The following TSPAN5 variants were observed in gnomAD, a reference collection of about 807,000 sequenced individuals.
TSPAN5 encodes the protein tetraspanin 5, also known as tetraspanin-5.
TSPAN5 carries 10 observed loss-of-function variants against 37.1 expected under a neutral mutation model. The ratio of observed to expected loss-of-function variants is 0.27; its 90% CI spans 0.17 to 0.46. The LOEUF is 0.46. Ranked by LOEUF, TSPAN5 falls within the 20% of genes least tolerant of loss-of-function variation. The pLI is 1.00. For missense variants in TSPAN5, 195 were observed against 326.6 expected, an observed-to-expected ratio of 0.60 and a Z score of 3.11; for synonymous variants, 110 against 118.9, an observed-to-expected ratio of 0.93 and a Z score of 0.48.
chr4:98,591,775 GC>G (rs1755639175), intron 1 of TSPAN5, among the ~76,000 whole-genome samples: 1 of 149,712 alleles, frequency 6.7e-6, no homozygotes, highest in Admixed American at 6.7e-5. Context: ...ATTTTGACAT[GC>G]ATTACGTTCC....
chr4:98,508,993 G>A (rs1753542825), intron 1 of TSPAN5, among the ~76,000 whole-genome samples: 1 of 152,056 alleles, frequency 6.6e-6, no homozygotes, highest in Non-Finnish European at 1.5e-5. Flanking sequence ...TGTAACTGGG[G>A]CGACACAGAC....
At chr4:98,603,015 TAC>T (rs141855546) in intron 1 of TSPAN5, among the ~76,000 whole-genome samples, 22 of 152,360 alleles carry the variant, frequency 1.4e-4, no homozygotes, top group African/African-American at 5.0e-4. Flanking sequence ...TTACTGTATT[TAC>T]AGTCTAGACC....
chr4:98,518,143 C>A (rs57112156), intron 1 of TSPAN5, among the ~76,000 whole-genome samples: 1 of 151,610 alleles, frequency 6.6e-6, no homozygotes, highest in African/African-American at 2.4e-5. Flanking sequence ...GATCCTCCCC[C>A]CTTTAGCCTC....
intron 1 of TSPAN5, among the ~76,000 whole-genome samples, chr4:98,559,038 CTT>C (rs928762150): frequency 5.3e-5 from 8 of 152,314 alleles, no homozygotes; most frequent in African/African-American, 1.9e-4. Context: ...ACCCATGCCT[CTT>C]TGCCTAAAAC....
chr4:98,534,231 G>T (rs1754179690), intron 1 of TSPAN5, among the ~76,000 whole-genome samples: 1 of 152,050 alleles, frequency 6.6e-6, no homozygotes, highest in African/African-American at 2.4e-5. Flanking sequence ...GTTCTCATTG[G>T]TTTCAAAGAA....
At chr4:98,612,170 C>T (rs931962790) in intron 1 of TSPAN5, among the ~76,000 whole-genome samples, 1 of 152,156 alleles carries the variant, frequency 6.6e-6, no homozygotes, top group Non-Finnish European at 1.5e-5. Flanking sequence ...TTTCCCATCT[C>T]TCTTCCATCT....
intron 1 of TSPAN5, among the ~76,000 whole-genome samples, chr4:98,537,183 G>A (rs1430811905): frequency 6.6e-6 from 1 of 152,214 alleles, no homozygotes; most frequent in Non-Finnish European, 1.5e-5. Context: ...TGGAACAAGC[G>A]CAGTATCTAT....
At chr4:98,494,813 T>C (rs1350979321) in intron 2 of TSPAN5, among the ~76,000 whole-genome samples, 1 of 152,070 alleles carries the variant, frequency 6.6e-6, no homozygotes, top group African/African-American at 2.4e-5. Context: ...ATGGCCACAG[T>C]TGATGATCAT....
chr4:98,476,106 T>C (rs1457050641), intron 7 of TSPAN5, 83 bp downstream of exon 7: 6 of 1,055,418 alleles, frequency 5.7e-6, no homozygotes, highest in Non-Finnish European at 8.6e-6. Flanking sequence ...ACAATCAAGG[T>C]TTTTAAGCAA....
At chr4:98,528,271 G>A (rs1264842826) in intron 1 of TSPAN5, among the ~76,000 whole-genome samples, 1 of 152,122 alleles carries the variant, frequency 6.6e-6, no homozygotes, top group Non-Finnish European at 1.5e-5. Flanking sequence ...GTTGACATAA[G>A]TTATTATTTA....
chr4:98,548,519 A>C (rs1449513990), intron 1 of TSPAN5, among the ~76,000 whole-genome samples: 1 of 151,952 alleles, frequency 6.6e-6, no homozygotes, highest in Admixed American at 6.6e-5. Context: ...TTTTTTTTTT[A>C]ATTTTTAAAA....
At chr4:98,575,588 G>A (rs1158725370) in intron 1 of TSPAN5, among the ~76,000 whole-genome samples, 1 of 151,788 alleles carries the variant, frequency 6.6e-6, no homozygotes, top group African/African-American at 2.4e-5. Flanking sequence ...AGAACCACTG[G>A]GGCTAATCCA....
chr4:98,573,998 C>T (rs1401678636), intron 1 of TSPAN5, among the ~76,000 whole-genome samples: 2 of 152,124 alleles, frequency 1.3e-5, no homozygotes, highest in Admixed American at 6.5e-5. Flanking sequence ...CAGATTCACG[C>T]ATCAACTGTA....
chr4:98,508,584 G>A (rs1441819205), intron 1 of TSPAN5, among the ~76,000 whole-genome samples: 1 of 149,258 alleles, frequency 6.7e-6, no homozygotes, highest in East Asian at 2.0e-4. Flanking sequence ...GAGTGCAGTG[G>A]CTCAATCACA....
intron 1 of TSPAN5, among the ~76,000 whole-genome samples, chr4:98,556,578 AAACT>A (rs1271332888): frequency 6.6e-6 from 1 of 152,222 alleles, no homozygotes; most frequent in East Asian, 1.9e-4. Context: ...TAGAGTTATT[AAACT>A]AACTGGTTGT....
intron 1 of TSPAN5, among the ~76,000 whole-genome samples, chr4:98,533,953 A>AAAAAAAC (rs1473481197): frequency 2.2e-4 from 32 of 145,134 alleles, no homozygotes; most frequent in African/African-American, 7.5e-4. Context: ...AAAAAAAAAA[A>AAAAAAAC]AAAAAAAAAC....
At position 98,654,857 on chromosome 4, in the gene TSPAN5, GT is replaced by G. The variant is rs200304430; in HGVS notation, c.81+3288del. On this transcript the variant is annotated intron_variant, in intron 1 of 7. Coordinates refer to ENST00000305798, the MANE Select transcript of TSPAN5 (RefSeq NM_005723.4). ...AAGGTTTTTTGTTTTGCTTTGTTTTGTTTTTTTTGAGACGGAGTCTTGCTCT... is the reference window on the plus strand; with the variant it reads ...AAGGTTTTTTGTTTTGCTTTGTTTTGTTTTTTTGAGACGGAGTCTTGCTCT... 7.9e-5 allele frequency among the ~76,000 whole-genome samples: 12 copies of G among 152,054 alleles called. No individual in the cohort carries two copies. In the South Asian group the frequency reaches 8.4e-4, roughly 11 times the overall value.
At chr4:98,602,981 C>A (rs1017065234) in intron 1 of TSPAN5, among the ~76,000 whole-genome samples, 1 of 152,184 alleles carries the variant, frequency 6.6e-6, no homozygotes, top group African/African-American at 2.4e-5. Flanking sequence ...GAAAATTTTA[C>A]TTTACCACTG....
intron 1 of TSPAN5, among the ~76,000 whole-genome samples, chr4:98,653,475 T>G (rs1757233194): frequency 6.6e-6 from 1 of 152,142 alleles, no homozygotes; most frequent in African/African-American, 2.4e-5. Flanking sequence ...GACTTGGTTC[T>G]CCCAAATCAT....
Sources: allele counts gnomAD v4.1 joint callset (sites outside exome capture counted in the v4.1 genomes callset), GRCh38; gene constraint gnomAD v4.1.1; transcripts MANE v1.5; gene names NCBI Gene and HGNC (gene_info 2026-07-23, HGNC 2026-07-21).